Variants in KCNB2 observed in about 807,000 individuals in gnomAD.
KCNB2 encodes potassium voltage-gated channel subfamily B member 2.
Under a neutral mutation model 61.5 loss-of-function variants are expected in KCNB2, and 15 were observed. The observed-to-expected ratio is 0.24, with a 90% CI of 0.16 to 0.38. KCNB2 has a LOEUF of 0.38. KCNB2 is among the 10% of genes least tolerant of loss of function. KCNB2 has a pLI of 1.00. For synonymous variants in KCNB2, 457 were observed against 446.0 expected, an observed-to-expected ratio of 1.02 and a Z score of -0.31; for missense variants, 828 against 1,125.2, an observed-to-expected ratio of 0.74 and a Z score of 3.78.
chr8:72,778,500 G>A (rs555376080), intron 2 of KCNB2, among the ~76,000 whole-genome samples: 12 of 151,814 alleles, frequency 7.9e-5, no homozygotes, highest in African/African-American at 2.4e-4. Context: ...CCCTTTGGGA[G>A]GTTCAAGCAG....
At chr8:72,701,246 A>T (rs568344522) in intron 2 of KCNB2, among the ~76,000 whole-genome samples, 339 of 152,252 alleles carry the variant, frequency 2.2e-3, no homozygotes, top group African/African-American at 7.9e-3. Flanking sequence ...TTATTTTTTA[A>T]AAAAAAGAGA....
chr8:72,908,025 T>A (rs1396576478), intron 2 of KCNB2, among the ~76,000 whole-genome samples: 1 of 152,204 alleles, frequency 6.6e-6, no homozygotes, highest in African/African-American at 2.4e-5. Context: ...TTCAACCTTT[T>A]GAATCATATT....
intron 1 of KCNB2, among the ~76,000 whole-genome samples, chr8:72,544,841 T>C (rs1407532586): frequency 6.6e-6 from 1 of 152,192 alleles, no homozygotes; most frequent in Non-Finnish European, 1.5e-5. Context: ...CATGAAGCTC[T>C]CTGCATCCAG....
intron 2 of KCNB2, among the ~76,000 whole-genome samples, chr8:72,600,490 G>T (rs763751365): frequency 6.6e-6 from 1 of 151,934 alleles, no homozygotes; most frequent in Non-Finnish European, 1.5e-5. Flanking sequence ...TATACCTAAT[G>T]CTAAATGACG....
intron 2 of KCNB2, among the ~76,000 whole-genome samples, chr8:72,593,490 C>G (rs1807132528): frequency 6.6e-6 from 1 of 152,194 alleles, no homozygotes; most frequent in African/African-American, 2.4e-5. Flanking sequence ...GAATGTGTCA[C>G]TACTGAGGTC....
At chr8:72,705,041 G>A (rs1327877098) in intron 2 of KCNB2, among the ~76,000 whole-genome samples, 1 of 152,062 alleles carries the variant, frequency 6.6e-6, no homozygotes, top group African/African-American at 2.4e-5. Context: ...AGAACCCATG[G>A]GTACAGAGGG....
At chr8:72,768,777 G>A (rs1235595342) in intron 2 of KCNB2, among the ~76,000 whole-genome samples, 1 of 152,254 alleles carries the variant, frequency 6.6e-6, no homozygotes, top group South Asian at 2.1e-4. Context: ...TCTTTTGCAA[G>A]TGGACATCCA....
intron 2 of KCNB2, among the ~76,000 whole-genome samples, chr8:72,895,959 T>C (rs1805981419): frequency 6.6e-6 from 1 of 152,204 alleles, no homozygotes; most frequent in Non-Finnish European, 1.5e-5. Context: ...ATTTTATAAC[T>C]ATTTAAGTTG....
intron 2 of KCNB2, among the ~76,000 whole-genome samples, chr8:72,659,128 A>G (rs531300960): frequency 6.6e-6 from 1 of 152,208 alleles, no homozygotes; most frequent in Non-Finnish European, 1.5e-5. Context: ...AAGTAAATTG[A>G]AAACCTTCTG....
intron 2 of KCNB2, among the ~76,000 whole-genome samples, chr8:72,649,327 G>A (rs773045846): frequency 7.2e-5 from 11 of 152,104 alleles, no homozygotes; most frequent in Admixed American, 1.3e-4. Flanking sequence ...TCACTTAAAG[G>A]ATTCAATATC....
chr8:72,748,772 T>C (rs1808129650), intron 2 of KCNB2, among the ~76,000 whole-genome samples: 1 of 152,118 alleles, frequency 6.6e-6, no homozygotes, highest in African/African-American at 2.4e-5. Context: ...GTGTACATGA[T>C]GTTTTGAAAT....
chr8:72,843,279 G>A (rs182570029), intron 2 of KCNB2, among the ~76,000 whole-genome samples: 186 of 152,254 alleles, frequency 1.2e-3, no homozygotes, highest in African/African-American at 4.1e-3. Flanking sequence ...GTTCTAATTT[G>A]ATTGTACTGT....
intron 2 of KCNB2, among the ~76,000 whole-genome samples, chr8:72,719,272 C>T (rs1563570065): frequency 6.6e-6 from 1 of 152,132 alleles, no homozygotes; most frequent in Non-Finnish European, 1.5e-5. Context: ...AAACTCAGCT[C>T]CCATTAAATC....
At chr8:72,617,868 C>T (rs1051039771) in intron 2 of KCNB2, among the ~76,000 whole-genome samples, 5 of 152,218 alleles carry the variant, frequency 3.3e-5, no homozygotes, top group Admixed American at 6.5e-5. Flanking sequence ...GTGCTGTCTA[C>T]AGCCTATTTT....
chr8:72,708,200 T>C (rs924616304), intron 2 of KCNB2, among the ~76,000 whole-genome samples: 2 of 152,132 alleles, frequency 1.3e-5, no homozygotes, highest in Non-Finnish European at 2.9e-5. Context: ...GAGCAAGATA[T>C]CGGGAAGGGT....
intron 2 of KCNB2, among the ~76,000 whole-genome samples, chr8:72,810,119 G>C (rs1022970447): frequency 3.9e-5 from 6 of 152,132 alleles, no homozygotes; most frequent in African/African-American, 1.4e-4. Context: ...AGATGCCATG[G>C]GGAAAGAGGA....
intron 2 of KCNB2, among the ~76,000 whole-genome samples, chr8:72,918,916 C>A (rs1348000918): frequency 6.6e-6 from 1 of 152,138 alleles, no homozygotes; most frequent in East Asian, 1.9e-4. Context: ...TTTAGAAAAC[C>A]TAGAAGTCTA....
intron 2 of KCNB2, among the ~76,000 whole-genome samples, chr8:72,691,723 T>A (rs2128990130): frequency 6.6e-6 from 1 of 152,316 alleles, no homozygotes; most frequent in East Asian, 1.9e-4. Context: ...CATCCTCCCA[T>A]TGATAGTTAC....
At chr8:72,615,331 G>A (rs78404300) in intron 2 of KCNB2, among the ~76,000 whole-genome samples, 1,665 of 152,246 alleles carry the variant, frequency 0.011, 18 homozygotes, top group African/African-American at 0.037. Context: ...GCTTAATACC[G>A]ACTGCTACAT....
Sources: gnomAD v4.1 joint callset for allele counts (sites outside exome capture counted in the v4.1 genomes callset) on GRCh38, gnomAD v4.1.1 for gene constraint, MANE v1.5 for transcripts, NCBI Gene and HGNC (gene_info 2026-07-23, HGNC 2026-07-21) for gene names.